UST: variants seen among roughly 807,000 people sequenced by gnomAD.
The protein encoded by UST is uronyl 2-sulfotransferase.
In UST, 21 loss-of-function variants were observed where a neutral mutation model predicts 45.6. That is an observed-to-expected ratio of 0.46 (90% confidence interval 0.33 to 0.66). The LOEUF is 0.66. Among genes scored for constraint, UST ranks in the 30% least tolerant of loss-of-function variants. The probability of loss-of-function intolerance (pLI) is 0.02; values close to 1 mark genes in which losing one functional copy is unlikely to be tolerated. For missense variants in UST, 463 were observed against 512.4 expected, an observed-to-expected ratio of 0.90 and a Z score of 0.93; for synonymous variants, 215 against 200.6, an observed-to-expected ratio of 1.07 and a Z score of -0.61.
intron 1 of UST, 75 bp from the exon 2 acceptor site, chr6:148,886,911 A>G (rs1778921436): frequency 8.1e-7 from 1 of 1,234,594 alleles, no homozygotes; most frequent in Non-Finnish European, 1.2e-6. Flanking sequence ...TAGAATGCTT[A>G]TCTTCAATAA....
chr6:148,964,616 C>A (rs1780742703), intron 5 of UST, 53 bp downstream of exon 5: 1 of 1,599,068 alleles, frequency 6.3e-7, no homozygotes, highest in Non-Finnish European at 8.5e-7. Flanking sequence ...AGGAGTGGGC[C>A]CTCCACCAGG....
At chr6:148,933,524 T>G (rs1298050391) in intron 2 of UST, among the ~76,000 whole-genome samples, 4 of 152,144 alleles carry the variant, frequency 2.6e-5, no homozygotes, top group African/African-American at 9.7e-5. Flanking sequence ...GCTTGAATAA[T>G]GAGAAGCACG....
rs71744071 is a variant in UST at position 149,024,952 on chromosome 6, C to CAA, written c.937+3481_937+3482dup. Among the ~76,000 whole-genome samples, 28 of 140,732 alleles carry CAA rather than the reference C, an allele frequency of 2.0e-4. No individual in the cohort carries two copies. In the South Asian group the frequency reaches 2.9e-3, roughly 15 times the overall value. The allele number at this position is 140,732 out of a possible 152,430, so 92.3% of individuals were successfully genotyped here. A position where few individuals can be genotyped will look rare whatever the true frequency, so the allele number is the denominator to read the frequency against. On this transcript the variant is annotated intron_variant, in intron 7 of 7. Transcript: ENST00000367463. Reference sequence around the variant, plus strand: ...TTGTCCTGTTATTGAAAAACAAAAACAAAAAAAAAAATAGGAGTTTGCTGA... The same window carrying CAA: ...TTGTCCTGTTATTGAAAAACAAAAACAAAAAAAAAAAAATAGGAGTTTGCTGA...
At chr6:148,858,358 G>C (rs981619549) in intron 1 of UST, among the ~76,000 whole-genome samples, 14 of 152,200 alleles carry the variant, frequency 9.2e-5, no homozygotes, top group Non-Finnish European at 1.0e-4. Context: ...AGGGCAGGAA[G>C]TATTCAGCAT....
chr6:148,877,828 A>T (rs1778718531), intron 1 of UST, among the ~76,000 whole-genome samples: 1 of 117,302 alleles, frequency 8.5e-6, no homozygotes, highest in African/African-American at 3.3e-5. Flanking sequence ...GGGGTCATGT[A>T]TGAGTGCGAG....
At chr6:148,927,278 G>A (rs1272542155) in intron 2 of UST, among the ~76,000 whole-genome samples, 1 of 152,136 alleles carries the variant, frequency 6.6e-6, no homozygotes, top group Non-Finnish European at 1.5e-5. Flanking sequence ...CCTTCCCATA[G>A]CCTTACAGGC....
chr6:148,981,183 A>G (rs971861958), intron 5 of UST, among the ~76,000 whole-genome samples: 9 of 152,266 alleles, frequency 5.9e-5, no homozygotes, highest in African/African-American at 2.2e-4. Context: ...AAGTCACACT[A>G]TATTCCAGGT....
chr6:148,992,348 C>CA (rs1027188073), intron 5 of UST, among the ~76,000 whole-genome samples: 6 of 151,816 alleles, frequency 4.0e-5, no homozygotes, highest in Non-Finnish European at 5.9e-5. Context: ...ACTAAAAATA[C>CA]AAAAAAAATT....
chr6:148,947,997 T>G (rs911658947), intron 3 of UST, among the ~76,000 whole-genome samples: 1 of 152,200 alleles, frequency 6.6e-6, no homozygotes, highest in Admixed American at 6.5e-5. Context: ...TTCCTTCCAG[T>G]TGCAGCCATG....
intron 1 of UST, among the ~76,000 whole-genome samples, chr6:148,764,225 T>G (rs953077441): frequency 6.6e-6 from 1 of 152,178 alleles, no homozygotes; most frequent in African/African-American, 2.4e-5. Context: ...TTAAATGCAT[T>G]CCTAGGAGTT....
At chr6:148,979,366 C>G (rs1781084242) in intron 5 of UST, among the ~76,000 whole-genome samples, 1 of 152,108 alleles carries the variant, frequency 6.6e-6, no homozygotes, top group Non-Finnish European at 1.5e-5. Flanking sequence ...TGTGAGATAC[C>G]CATTTTACCT....
intron 5 of UST, among the ~76,000 whole-genome samples, chr6:148,988,571 C>T (rs1781282778): frequency 1.4e-5 from 1 of 69,694 alleles, no homozygotes; most frequent in South Asian, 5.1e-4. Context: ...AAGACCCTGT[C>T]TCAAAAAAAA....
At chr6:148,781,186 C>T (rs1776635688) in intron 1 of UST, among the ~76,000 whole-genome samples, 2 of 152,138 alleles carry the variant, frequency 1.3e-5, no homozygotes, top group Admixed American at 6.6e-5. Context: ...AAACTGAAGG[C>T]TGGGTCTCTA....
chr6:148,882,916 C>T (rs921604824), intron 1 of UST, among the ~76,000 whole-genome samples: 1 of 152,210 alleles, frequency 6.6e-6, no homozygotes, highest in African/African-American at 2.4e-5. Context: ...AGGAGGTGCT[C>T]TGTAAATACT....
chr6:148,911,712 G>GA (rs71659541), intron 2 of UST, among the ~76,000 whole-genome samples: 6,190 of 147,250 alleles, frequency 0.042, 338 homozygotes, highest in African/African-American at 0.13. Flanking sequence ...GTAATTATCA[G>GA]AAAAAAAAAA....
chr6:148,747,372 C>A lies in UST; in HGVS notation c.-59C>A, dbSNP rs1775885893. 1.5e-6 allele frequency: 2 copies of A among 1,361,114 alleles called. No individual in the cohort carries two copies. Among genetic ancestry groups the A allele is most frequent in the East Asian group, 3.1e-5 (1 of 32,538 alleles). 84.3% of individuals were successfully genotyped at this position (1,361,114 alleles called of 1,614,324 possible). A position where few individuals can be genotyped will look rare whatever the true frequency, so the allele number is the denominator to read the frequency against. On this transcript the variant is annotated 5_prime_UTR_variant, in exon 1 of 8. Transcript: ENST00000367463. ...CCGGCCAGCCGGGCTCTCCTCCTCG[C>A]GGCGGATGGGTGACCTTTTCCTGGC... is the stretch of plus-strand genomic sequence containing the variant.
Position 149,074,113 on chromosome 6 carries a change from G to A in UST, c.1218G>A (p.Arg406=), listed in dbSNP as rs1214401754. 1 of 1,613,722 alleles carries A rather than the reference G, an allele frequency of 6.2e-7. No individual in the cohort carries two copies. The highest frequency in any genetic ancestry group is 8.5e-7 in the Non-Finnish European group (1 of 1,179,630). The change falls in exon 8 of 8, where the codon AGG becomes AGA. Residue 406 remains arginine, a synonymous_variant. Coordinates refer to ENST00000367463, the MANE Select transcript of UST (RefSeq NM_005715.3). ...DEKWLEDIYK[R] ...AGTGGCTGGAAGATATTTATAAGAG[G>A]TGATGTGACTGTGTTGCCTCTATGG...
intron 1 of UST, among the ~76,000 whole-genome samples, chr6:148,762,632 A>G (rs1370137193): frequency 2.0e-5 from 3 of 151,444 alleles, no homozygotes; most frequent in African/African-American, 7.3e-5. Flanking sequence ...TAGTGTACCC[A>G]TTACCCAAAT....
At chr6:148,749,570 C>T (rs1381042853) in intron 1 of UST, among the ~76,000 whole-genome samples, 3 of 152,066 alleles carry the variant, frequency 2.0e-5, no homozygotes, top group Admixed American at 6.5e-5. Context: ...AATGAAACCT[C>T]CACCCAGCTC....
Sources: allele counts gnomAD v4.1 joint callset (sites outside exome capture counted in the v4.1 genomes callset), GRCh38; gene constraint gnomAD v4.1.1; transcripts MANE v1.5; gene names NCBI Gene and HGNC (gene_info 2026-07-23, HGNC 2026-07-21).